ANKMY2: variants seen among roughly 807,000 people sequenced by gnomAD.
ANKMY2 encodes the protein ankyrin repeat and MYND domain containing 2, also known as ankyrin repeat and MYND domain-containing protein 2.
ANKMY2 carries 36 observed loss-of-function variants against 50.4 expected under a neutral mutation model. The observed-to-expected ratio is 0.71, with a 90% CI of 0.55 to 0.94. The LOEUF is 0.94. Ranked by LOEUF, ANKMY2 falls within the 40% of genes least tolerant of loss-of-function variation. The pLI is 0.00. For synonymous variants in ANKMY2, 187 were observed against 178.8 expected, an observed-to-expected ratio of 1.05 and a Z score of -0.36; for missense variants, 565 against 524.0, an observed-to-expected ratio of 1.08 and a Z score of -0.76.
At chr7:16,637,317 T>C (rs2128346461) in intron 1 of ANKMY2, among the ~76,000 whole-genome samples, 1 of 152,332 alleles carries the variant, frequency 6.6e-6, no homozygotes, top group Non-Finnish European at 1.5e-5. Flanking sequence ...AAATTTAGAC[T>C]TGTAGTGCAA....
At chr7:16,624,423 G>C (rs985574918) in intron 4 of ANKMY2, among the ~76,000 whole-genome samples, 5 of 152,194 alleles carry the variant, frequency 3.3e-5, no homozygotes, top group African/African-American at 1.2e-4. Flanking sequence ...TGGTTGATGA[G>C]AATGATAACG....
intron 2 of ANKMY2, among the ~76,000 whole-genome samples, chr7:16,628,577 T>A (rs1032213906): frequency 2.0e-5 from 3 of 152,106 alleles, no homozygotes; most frequent in Non-Finnish European, 4.4e-5. Context: ...ATGGACTGCA[T>A]GGCCTTTAGC....
chr7:16,618,569 C>A (rs1439295601), intron 4 of ANKMY2, among the ~76,000 whole-genome samples: 1 of 152,086 alleles, frequency 6.6e-6, no homozygotes, highest in Non-Finnish European at 1.5e-5. Context: ...CAATTTCTTT[C>A]TTTTTGGGGG....
chr7:16,645,368 G>A (rs1474837607), intron 1 of ANKMY2, 139 bp downstream of exon 1: 11 of 828,076 alleles, frequency 1.3e-5, no homozygotes, highest in Non-Finnish European at 1.8e-5. Context: ...ACCAAAGGGA[G>A]AAACGCTCTT....
chr7:16,615,037 T>C (rs576084196), intron 5 of ANKMY2, among the ~76,000 whole-genome samples: 1 of 152,286 alleles, frequency 6.6e-6, no homozygotes, highest in South Asian at 2.1e-4. Flanking sequence ...AGCAGTGAAA[T>C]ATTTCAGAAT....
chr7:16,638,487 C>A (rs1221291969), intron 1 of ANKMY2, among the ~76,000 whole-genome samples: 2 of 152,200 alleles, frequency 1.3e-5, no homozygotes, highest in Non-Finnish European at 2.9e-5. Context: ...GCACTTGGCA[C>A]AGAGATTCCA....
intron 1 of ANKMY2, among the ~76,000 whole-genome samples, 193 bp downstream of exon 1, chr7:16,645,314 C>T (rs1157246636): frequency 6.6e-6 from 1 of 152,194 alleles, no homozygotes; most frequent in African/African-American, 2.4e-5. Flanking sequence ...TGTCCCAGCA[C>T]TGCTTCTGCC....
chr7:16,618,635 A>T (rs1781392002), intron 4 of ANKMY2, among the ~76,000 whole-genome samples: 1 of 152,168 alleles, frequency 6.6e-6, no homozygotes, highest in African/African-American at 2.4e-5. Context: ...ACGTCTTGAA[A>T]AGTCAAACAG....
intron 7 of ANKMY2, among the ~76,000 whole-genome samples, chr7:16,606,067 T>C (rs1472054140): frequency 6.6e-6 from 1 of 152,154 alleles, no homozygotes; most frequent in Non-Finnish European, 1.5e-5. Flanking sequence ...TTCGCCCGCC[T>C]TGGCTTCCCA....
chr7:16,644,237 T>C (rs1216642397), intron 1 of ANKMY2, among the ~76,000 whole-genome samples: 1 of 152,164 alleles, frequency 6.6e-6, no homozygotes, highest in Admixed American at 6.5e-5. Flanking sequence ...AAGACTGAAA[T>C]GCCAAATAGG....
At chr7:16,642,833 T>C (rs903644124) in intron 1 of ANKMY2, among the ~76,000 whole-genome samples, 1 of 152,212 alleles carries the variant, frequency 6.6e-6, no homozygotes, top group African/African-American at 2.4e-5. Context: ...GTTGTTTTGC[T>C]AGAACTAAAT....
In ANKMY2 at chr7:16,600,012, T is replaced by C. The variant is rs1183384873; in HGVS notation, c.*749A>G. ...TGGAGTATGGCACGTGAATTAGCCTTACAGTAATTGTGTACATAGTATGTT... is the reference window on the plus strand; with the variant it reads ...TGGAGTATGGCACGTGAATTAGCCTCACAGTAATTGTGTACATAGTATGTT... On this transcript the variant is annotated 3_prime_UTR_variant, in exon 10 of 10. Coordinates refer to ENST00000306999, the MANE Select transcript of ANKMY2 (RefSeq NM_020319.3). 1.3e-5 allele frequency: 2 copies of C among 152,194 alleles called. No homozygotes were observed. Among genetic ancestry groups the C allele is most frequent in the Non-Finnish European group, 2.9e-5 (2 of 68,042 alleles). The allele number at this position is 152,194 out of a possible 1,614,324, so 9.4% of individuals were successfully genotyped here. A position where few individuals can be genotyped will look rare whatever the true frequency, so the allele number is the denominator to read the frequency against.
intron 1 of ANKMY2, among the ~76,000 whole-genome samples, chr7:16,642,429 T>C (rs1267593195): frequency 2.0e-5 from 3 of 152,208 alleles, no homozygotes; most frequent in African/African-American, 7.2e-5. Context: ...CAGATTTTCA[T>C]TTTCATCTGG....
chr7:16,618,010 C>T (rs763279849), intron 4 of ANKMY2, among the ~76,000 whole-genome samples: 14 of 150,124 alleles, frequency 9.3e-5, no homozygotes, highest in Non-Finnish European at 1.9e-4. Flanking sequence ...TCACTGCAAC[C>T]TCTGCCTCCT....
chr7:16,611,280 T>C (rs551092917), intron 5 of ANKMY2, among the ~76,000 whole-genome samples: 3 of 152,356 alleles, frequency 2.0e-5, no homozygotes, highest in South Asian at 2.1e-4. Flanking sequence ...CAATTAACTA[T>C]ATTTCTCTAT....
intron 5 of ANKMY2, among the ~76,000 whole-genome samples, chr7:16,614,647 G>A (rs948059459): frequency 1.3e-5 from 2 of 152,208 alleles, no homozygotes; most frequent in Admixed American, 6.5e-5. Flanking sequence ...CTTCAGAAGA[G>A]TCACCTTATA....
chr7:16,609,845 G>A (rs1017578314), intron 6 of ANKMY2, 80 bp from the exon 7 acceptor site: 6 of 1,480,742 alleles, frequency 4.1e-6, no homozygotes, highest in Non-Finnish European at 3.7e-6. Flanking sequence ...GTTTTTAGTA[G>A]TTTCTTCTGT....
Position 16,645,516 on chromosome 7 carries a change from T to A in ANKMY2, c.58A>T (p.Ile20Phe), listed in dbSNP as rs1235134033. The A allele has an allele frequency of 3.7e-6, 6 of 1,611,338 alleles. No individual in the cohort carries two copies. The highest frequency in any genetic ancestry group is 5.1e-6 in the Non-Finnish European group (6 of 1,178,770). ...AGCCCAGCACCCGTACCTTTCCCGATGACTTCCAGTAGCTCCTTCTCCTCC... is the reference window on the plus strand; with the variant it reads ...AGCCCAGCACCCGTACCTTTCCCGAAGACTTCCAGTAGCTCCTTCTCCTCC... The part of the protein sequence containing the change: ...TQEEKELLEV[I>F]GKGTVQEAGT... The change falls in exon 1 of 10, where the codon ATC becomes TTC. Residue 20 changes from isoleucine to phenylalanine, a missense_variant. By Grantham distance (21) the Ile-to-Phe change is conservative (BLOSUM62 0). Transcript: ENST00000306999.
chr7:16,611,536 G>C (rs555567773), intron 5 of ANKMY2, among the ~76,000 whole-genome samples: 1 of 152,268 alleles, frequency 6.6e-6, no homozygotes, highest in Admixed American at 6.5e-5. Context: ...AATATCCATG[G>C]TGGCATAACA....
Sources: allele counts gnomAD v4.1 joint callset (sites outside exome capture counted in the v4.1 genomes callset), GRCh38; gene constraint gnomAD v4.1.1; transcripts MANE v1.5; gene names NCBI Gene and HGNC (gene_info 2026-07-23, HGNC 2026-07-21).